The following OPHN1 variants were observed in gnomAD, a reference collection of about 807,000 sequenced individuals.
OPHN1 encodes oligophrenin-1.
OPHN1 carries 11 observed loss-of-function variants against 60.7 expected under a neutral mutation model. That is an observed-to-expected ratio of 0.18 (90% CI 0.11 to 0.30). OPHN1 has a LOEUF of 0.30. Among genes scored for constraint, OPHN1 ranks in the 10% least tolerant of loss-of-function variants. The pLI, the probability that OPHN1 is intolerant of heterozygous loss-of-function variation, is 1.00. For synonymous variants in OPHN1, 226 were observed against 222.6 expected, an observed-to-expected ratio of 1.02 and a Z score of -0.14; for missense variants, 449 against 611.0, an observed-to-expected ratio of 0.73 and a Z score of 2.80.
chrX:68,287,156 G>GGAAAAAAAGAAAGAAAGAAAGAAAGAAA, intron 3 of OPHN1, among the ~76,000 whole-genome samples: 1 of 72,897 alleles, frequency 1.4e-5, no homozygotes, highest in Non-Finnish European at 2.3e-5. Flanking sequence ...GAAGAAAGAA[G>GGAAAAAAAGAAAGAAAGAAAGAAAGAAA]GAAAGAAAGA....
chrX:68,397,868 C>T (rs2147763223), intron 2 of OPHN1, among the ~76,000 whole-genome samples: 1 of 111,090 alleles, frequency 9.0e-6, no homozygotes, highest in South Asian at 3.8e-4. Context: ...TCCCTTATTG[C>T]CACAGTCTTC....
intron 15 of OPHN1, among the ~76,000 whole-genome samples, chrX:68,137,876 C>T (rs1184080482): frequency 9.0e-6 from 1 of 111,645 alleles, no homozygotes; most frequent in Non-Finnish European, 1.9e-5. Context: ...GAAAGGTATA[C>T]TTTTCCATGA....
chrX:68,210,065 A>G, intron 9 of OPHN1, 88 bp downstream of exon 9: 4 of 1,034,680 alleles, frequency 3.9e-6, no homozygotes, highest in Non-Finnish European at 5.4e-6. Context: ...GTCTATGAAC[A>G]GTAAGGGTGC....
chrX:68,068,116 A>G (rs142304562), intron 20 of OPHN1, among the ~76,000 whole-genome samples: 118 of 111,359 alleles, frequency 1.1e-3, no homozygotes, highest in Non-Finnish European at 1.8e-3. Context: ...CAGACTATAC[A>G]AAGTATTGGT....
Position 68,193,805 on chromosome X carries a change from TA to T in OPHN1, c.1201+84del. 3 of 836,232 alleles carry T rather than the reference TA, an allele frequency of 3.6e-6. No individual in the cohort carries two copies. In the South Asian group the frequency reaches 6.2e-5, roughly 17 times the overall value. 68.9% of individuals were successfully genotyped at this position (836,232 alleles called of 1,213,427 possible). ...AAGCTTTATAAACAGTCTTCATTCC[TA>T]AAACGCTACTTCAGAGAAATTGCCC... On this transcript the variant is annotated intron_variant, in intron 14 of 24. Coordinates refer to ENST00000355520, the MANE Select transcript of OPHN1 (RefSeq NM_002547.3).
At chrX:68,267,888 A>C (rs1021720546) in intron 5 of OPHN1, among the ~76,000 whole-genome samples, 2 of 112,196 alleles carry the variant, frequency 1.8e-5, no homozygotes, top group Non-Finnish European at 3.8e-5. Flanking sequence ...AACTACCATC[A>C]GAGAATACTA....
chrX:68,274,943 G>T, intron 4 of OPHN1, 134 bp from the exon 5 acceptor site: 1 of 444,703 alleles, frequency 2.2e-6, no homozygotes, highest in East Asian at 4.3e-5. Context: ...GTTGGGTTTT[G>T]TTACTGTTTG....
At chrX:68,340,152 G>A (rs1569285425) in intron 2 of OPHN1, among the ~76,000 whole-genome samples, 1 of 111,881 alleles carries the variant, frequency 8.9e-6, no homozygotes, top group Non-Finnish European at 1.9e-5. Flanking sequence ...ATTGTTCTAC[G>A]GATTTAACTG....
At chrX:68,208,650 T>C (rs908651726) in intron 9 of OPHN1, among the ~76,000 whole-genome samples, 3 of 112,010 alleles carry the variant, frequency 2.7e-5, no homozygotes, top group Non-Finnish European at 5.6e-5. Context: ...AAGCATACAT[T>C]CAACTGAGTA....
chrX:68,121,718 C>T (rs937959242), intron 15 of OPHN1, among the ~76,000 whole-genome samples: 5 of 108,612 alleles, frequency 4.6e-5, no homozygotes. Context: ...TATGGGAGTC[C>T]TTGCACCACC....
At chrX:68,173,952 T>C (rs973853064) in intron 15 of OPHN1, among the ~76,000 whole-genome samples, 9 of 111,974 alleles carry the variant, frequency 8.0e-5, no homozygotes, top group African/African-American at 2.9e-4. Context: ...GGGATTGTGA[T>C]GGGAAGTGTC....
intron 3 of OPHN1, among the ~76,000 whole-genome samples, chrX:68,294,108 G>C: frequency 9.0e-6 from 1 of 111,051 alleles, no homozygotes; most frequent in Non-Finnish European, 1.9e-5. Context: ...TGAATCCCTT[G>C]TTTATGTCAT....
chrX:68,318,463 T>TA (rs1005613224), intron 2 of OPHN1, among the ~76,000 whole-genome samples: 2 of 112,279 alleles, frequency 1.8e-5, no homozygotes, highest in Non-Finnish European at 3.8e-5. Context: ...AGCTCCTTTT[T>TA]AAAAAATCAA....
chrX:68,172,101 G>A (rs182029992), intron 15 of OPHN1, among the ~76,000 whole-genome samples: 1,292 of 111,720 alleles, frequency 0.012, 43 homozygotes, highest in Admixed American at 0.087. Flanking sequence ...ATACAAGCCA[G>A]AAATTTTATT....
chrX:68,361,439 C>G (rs1358362781), intron 2 of OPHN1, among the ~76,000 whole-genome samples: 1 of 105,895 alleles, frequency 9.4e-6, no homozygotes, highest in Non-Finnish European at 1.9e-5. Context: ...GAGATTGTAC[C>G]ACTGCACTCT....
chrX:68,414,133 G>A (rs1044247788), intron 2 of OPHN1, among the ~76,000 whole-genome samples: 6 of 111,949 alleles, frequency 5.4e-5, no homozygotes, highest in African/African-American at 1.9e-4. Flanking sequence ...TGTTAGGCAC[G>A]TTGACCAGAA....
intron 21 of OPHN1, among the ~76,000 whole-genome samples, chrX:68,060,458 G>A (rs2076889003): frequency 9.0e-6 from 1 of 111,327 alleles, no homozygotes; most frequent in Admixed American, 9.6e-5. Context: ...ACAATGATTA[G>A]ACGCAACAGA....
intron 15 of OPHN1, among the ~76,000 whole-genome samples, chrX:68,147,259 C>T (rs2077267690): frequency 9.0e-6 from 1 of 111,489 alleles, no homozygotes; most frequent in South Asian, 3.8e-4. Flanking sequence ...GAATCAACCC[C>T]AAGGATAACC....
chrX:68,385,224 G>A (rs1348422960), intron 2 of OPHN1, among the ~76,000 whole-genome samples: 1 of 111,201 alleles, frequency 9.0e-6, no homozygotes, highest in Non-Finnish European at 1.9e-5. Context: ...GAAATAGGAA[G>A]GGTTTAAACT....
Sources: allele counts gnomAD v4.1 joint callset (sites outside exome capture counted in the v4.1 genomes callset), GRCh38; gene constraint gnomAD v4.1.1; transcripts MANE v1.5; gene names NCBI Gene and HGNC (gene_info 2026-07-23, HGNC 2026-07-21).